ELAVL3: variants seen among roughly 807,000 people sequenced by gnomAD.
The protein encoded by ELAVL3 is ELAV like RNA binding protein 3.
ELAVL3 carries 8 observed loss-of-function variants against 34.2 expected under a neutral mutation model. That is an observed-to-expected ratio of 0.23 (90% CI 0.14 to 0.42). The LOEUF is 0.42. Among genes scored for constraint, ELAVL3 ranks in the 10% least tolerant of loss-of-function variants. The probability of loss-of-function intolerance (pLI) is 1.00; values close to 1 mark genes in which losing one functional copy is unlikely to be tolerated. For missense variants in ELAVL3, 273 were observed against 518.8 expected, an observed-to-expected ratio of 0.53 and a Z score of 4.60; for synonymous variants, 209 against 222.1, an observed-to-expected ratio of 0.94 and a Z score of 0.53.
In ELAVL3 at chr19:11,477,930, T is replaced by C. The variant is rs183093841; in HGVS notation, c.9+2670A>G. On this transcript the variant is annotated intron_variant, in intron 1 of 6. Transcript: ENST00000359227. ...GTCTCGAACTCCTGACCTCATGTGATCCACCCACCTTGGGCTCCCAAAGTG... is the reference window on the plus strand; with the variant it reads ...GTCTCGAACTCCTGACCTCATGTGACCCACCCACCTTGGGCTCCCAAAGTG... Among the ~76,000 whole-genome samples the C allele has an allele frequency of 5.3e-3, 800 of 152,216 alleles. 13 individuals are homozygous for C. The highest frequency in any genetic ancestry group is 4.3e-3 in the Non-Finnish European group (291 of 68,014).
At chr19:11,473,603 T>A (rs1339314782) in intron 1 of ELAVL3, among the ~76,000 whole-genome samples, 2 of 152,224 alleles carry the variant, frequency 1.3e-5, no homozygotes, top group Non-Finnish European at 2.9e-5. Flanking sequence ...AAGTTTTCTG[T>A]TCTTATTCAC....
In ELAVL3 at chr19:11,454,604, G is replaced by A. The variant is rs199860514; in HGVS notation, c.1026C>T (p.Ile342=). 9.9e-6 allele frequency: 16 copies of A among 1,614,100 alleles called. No homozygotes were observed. The highest frequency in any genetic ancestry group is 2.2e-5 in the East Asian group (1 of 44,886). Residue 342 remains isoleucine, a synonymous_variant, in exon 7 of 7, where the codon ATC becomes ATT. Coordinates refer to ENST00000359227, the MANE Select transcript of ELAVL3 (RefSeq NM_001420.4). This position sits in a 1 kb window ranked among gnomAD's most constrained non-coding sequence, Gnocchi z 9.2. Reference sequence around the variant, plus strand: ...CCAGGCGATAGCCGTTCAGGCTGGCGATGGCCATGGCCGCCTCGTCATAGT... The same window carrying A: ...CCAGGCGATAGCCGTTCAGGCTGGCAATGGCCATGGCCGCCTCGTCATAGT... ...MTNYDEAAMA[I]ASLNGYRLGE...
chr19:11,472,665 T>C (rs546602493), intron 1 of ELAVL3, among the ~76,000 whole-genome samples: 95 of 148,282 alleles, frequency 6.4e-4, no homozygotes, highest in African/African-American at 2.3e-3. Flanking sequence ...GGCACCACTG[T>C]ACTCCAGCCT....
intron 1 of ELAVL3, among the ~76,000 whole-genome samples, chr19:11,475,463 C>A (rs1005642738): frequency 1.3e-5 from 2 of 152,146 alleles, no homozygotes; most frequent in South Asian, 4.2e-4. Flanking sequence ...ATTCATCATG[C>A]CCAGCTAATT....
chr19:11,476,145 G>A (rs374541036), intron 1 of ELAVL3, among the ~76,000 whole-genome samples: 2 of 152,094 alleles, frequency 1.3e-5, no homozygotes, highest in Admixed American at 6.6e-5. Flanking sequence ...TTAACTGATC[G>A]CGTAACCATG....
At position 11,457,103 on chromosome 19, in the gene ELAVL3, C is replaced by A; in HGVS notation, c.752+7G>T. ...GGGTGGGGACAGTGGGGCGGGGTCACTGTTACCTCTTGACGCCGTAGGCCA... is the reference window on the plus strand; with the variant it reads ...GGGTGGGGACAGTGGGGCGGGGTCAATGTTACCTCTTGACGCCGTAGGCCA... On this transcript the variant is annotated splice_region_variant and intron_variant, in intron 6 of 6. Coordinates refer to ENST00000359227, the MANE Select transcript of ELAVL3 (RefSeq NM_001420.4). The A allele has an allele frequency of 6.5e-7, 1 of 1,527,868 alleles. No homozygotes were observed. Among genetic ancestry groups the A allele is most frequent in the Admixed American group, 2.3e-5 (1 of 42,928 alleles). 94.6% of individuals were successfully genotyped at this position (1,527,868 alleles called of 1,614,324 possible).
chr19:11,459,432 C>G (rs1970838905), intron 3 of ELAVL3, among the ~76,000 whole-genome samples: 1 of 152,000 alleles, frequency 6.6e-6, no homozygotes, highest in African/African-American at 2.4e-5. Flanking sequence ...CGCGCCTTAC[C>G]TAATTTTTAT....
Position 11,473,733 on chromosome 19 carries a change from T to C in ELAVL3, c.9+6867A>G, listed in dbSNP as rs116230028. Among the ~76,000 whole-genome samples, 121 of 152,324 alleles carry C rather than the reference T, an allele frequency of 7.9e-4. 1 individual carries two copies. The South Asian group carries it at 8.3e-3, about 10-fold the overall frequency. ...AGCATATAAATGGTGGAACAGGGAT[T>C]TGCATATGAGTTTTTCTGATCCAGA... On this transcript the variant is annotated intron_variant, in intron 1 of 6. Transcript: ENST00000359227.
intron 5 of ELAVL3, 126 bp downstream of exon 5, chr19:11,457,935 A>G: frequency 1.0e-6 from 1 of 979,886 alleles, no homozygotes; most frequent in Non-Finnish European, 1.5e-6. Flanking sequence ...CCTGACAGAT[A>G]GGCTCCTTGG....
chr19:11,465,014 T>TAC (rs1971004541), intron 3 of ELAVL3, among the ~76,000 whole-genome samples: 1 of 54,692 alleles, frequency 1.8e-5, no homozygotes. Context: ...CACACATACA[T>TAC]ACACATACAC....
In ELAVL3 at chr19:11,466,770, G is replaced by A; in HGVS notation, c.67C>T (p.Pro23Ser). 6.2e-7 allele frequency: 1 copy of A among 1,614,040 alleles called. No individual in the cohort carries two copies. The highest frequency in any genetic ancestry group is 1.3e-5 in the African/African-American group (1 of 75,026). ...VGGGPAGPALPNGPLLGTNGA... is the reference protein window; with the variant it reads ...VGGGPAGPALSNGPLLGTNGA... ...TTTGTACCAAGGAGTGGCCCGTTGG[G>A]CAGGGCCGGGCCGGCCGGGCCCCCC... Residue 23 changes from proline to serine, a missense_variant, in exon 2 of 7, where the codon CCC becomes TCC. By Grantham distance (74) the Pro-to-Ser change is moderately conservative. This residue lies in a region of ELAVL3 where 40 missense variants were observed against 40.8 expected (regional missense o/e 0.98). Coordinates refer to ENST00000359227, the MANE Select transcript of ELAVL3 (RefSeq NM_001420.4). The surrounding 1 kb of genome is among the most constrained non-coding windows in gnomAD (Gnocchi z 5.0).
intron 5 of ELAVL3, among the ~76,000 whole-genome samples, chr19:11,457,351 C>T (rs1970790979): frequency 6.6e-6 from 1 of 152,210 alleles, no homozygotes; most frequent in East Asian, 1.9e-4. Flanking sequence ...TGCCCCACCG[C>T]TGTCCAGCCT....
At position 11,468,622 on chromosome 19, in the gene ELAVL3, TTGGCCAGGC is replaced by T. The variant is rs1308189926; in HGVS notation, c.10-1804_10-1796del. On this transcript the variant is annotated intron_variant, in intron 1 of 6. Coordinates refer to ENST00000359227, the MANE Select transcript of ELAVL3 (RefSeq NM_001420.4). ...TTAGTAGAGACGGGGTTTCACTATG[TTGGCCAGGC>T]TGGCCAGGCTGGTCTTGAAATGCTG... Among the ~76,000 whole-genome samples the T allele has an allele frequency of 2.0e-5, 3 of 151,932 alleles. No individual in the cohort carries two copies. In the East Asian group the frequency reaches 5.8e-4, roughly 29 times the overall value.
At chr19:11,477,221 G>T (rs531671405) in intron 1 of ELAVL3, among the ~76,000 whole-genome samples, 93 of 152,318 alleles carry the variant, frequency 6.1e-4, no homozygotes, top group African/African-American at 2.2e-3. Flanking sequence ...GTATGGCACA[G>T]AGGTCTCACA....
At chr19:11,461,466 C>CCCTCCCTCCCTCCCTT (rs1188172960) in intron 3 of ELAVL3, among the ~76,000 whole-genome samples, 1 of 131,670 alleles carries the variant, frequency 7.6e-6, no homozygotes, top group Non-Finnish European at 1.6e-5. Context: ...CTCCCTCCCT[C>CCCTCCCTCCCTCCCTT]CCTCCCTCCC....
At chr19:11,463,656 C>T (rs1970938147) in intron 3 of ELAVL3, among the ~76,000 whole-genome samples, 1 of 152,094 alleles carries the variant, frequency 6.6e-6, no homozygotes, top group Non-Finnish European at 1.5e-5. Flanking sequence ...CACAGTGTCA[C>T]ATGCACCTGT....
chr19:11,465,245 ACACATACACAC>A (rs1971019890), intron 3 of ELAVL3, among the ~76,000 whole-genome samples: 1 of 126,122 alleles, frequency 7.9e-6, no homozygotes, highest in African/African-American at 3.2e-5. Flanking sequence ...CGCACACCAC[ACACATACACAC>A]CGCACACATA....
At chr19:11,462,479 A>G (rs1337130632) in intron 3 of ELAVL3, among the ~76,000 whole-genome samples, 1 of 150,636 alleles carries the variant, frequency 6.6e-6, no homozygotes. Flanking sequence ...TCTACTAAAA[A>G]TGCAAAAATT....
chr19:11,472,327 G>C (rs575924627), intron 1 of ELAVL3, among the ~76,000 whole-genome samples: 25 of 148,012 alleles, frequency 1.7e-4, no homozygotes, highest in African/African-American at 6.0e-4. Flanking sequence ...GCCTGGGCGA[G>C]AGCAAGACTC....
Sources: allele counts gnomAD v4.1 joint callset (sites outside exome capture counted in the v4.1 genomes callset), GRCh38; gene constraint gnomAD v4.1.1; regional missense constraint gnomAD v4.1.1; non-coding constraint Gnocchi (gnomAD v3.1); transcripts MANE v1.5; gene names NCBI Gene and HGNC (gene_info 2026-07-23, HGNC 2026-07-21).